UROC1: variants seen among roughly 807,000 people sequenced by gnomAD.
UROC1 encodes the protein urocanate hydratase 1.
In UROC1, 79 loss-of-function variants were observed where a neutral mutation model predicts 89.5. The observed-to-expected ratio is 0.88, with a 90% CI of 0.74 to 1.06. The LOEUF (loss-of-function observed/expected upper bound fraction) is 1.06, where lower values mean the gene tolerates loss of function less well. Among genes scored for constraint, UROC1 ranks in the 50% least tolerant of loss-of-function variants. UROC1 has a pLI of 0.00. For missense variants in UROC1, 885 were observed against 907.8 expected, an observed-to-expected ratio of 0.97 and a Z score of 0.32; for synonymous variants, 361 against 354.8, an observed-to-expected ratio of 1.02 and a Z score of -0.20.
chr3:126,501,103 T>C (rs1935909458), intron 10 of UROC1, 115 bp downstream of exon 10: 26 of 1,282,402 alleles, frequency 2.0e-5, no homozygotes, highest in Non-Finnish European at 2.8e-5. Flanking sequence ...AGGGTGGCGC[T>C]GAACTGGGGC....
intron 9 of UROC1, among the ~76,000 whole-genome samples, chr3:126,503,381 G>A (rs1398935033): frequency 6.6e-6 from 1 of 152,218 alleles, no homozygotes; most frequent in Non-Finnish European, 1.5e-5. Context: ...AATTAATTGA[G>A]AGGATGCTTC....
chr3:126,500,157 G>A lies in UROC1; in HGVS notation c.1146-3C>T. 1 of 1,613,324 alleles carries A rather than the reference G, an allele frequency of 6.2e-7. No homozygotes were observed. The highest frequency in any genetic ancestry group is 8.5e-7 in the Non-Finnish European group (1 of 1,179,938). On this transcript the variant is annotated splice_polypyrimidine_tract_variant and splice_region_variant and intron_variant, in intron 11 of 19. Coordinates refer to ENST00000290868, the MANE Select transcript of UROC1 (RefSeq NM_144639.3). ...TGGCTGAGACTTGCCTCCTCAGGCTGCAACAAGCCATGGGTCAGCACCACC... is the reference window on the plus strand; with the variant it reads ...TGGCTGAGACTTGCCTCCTCAGGCTACAACAAGCCATGGGTCAGCACCACC...
chr3:126,489,158 A>C, intron 17 of UROC1, 118 bp downstream of exon 17: 2 of 1,007,804 alleles, frequency 2.0e-6, no homozygotes, highest in South Asian at 2.6e-5. Flanking sequence ...TGGTCACTCT[A>C]TGCCGAGCCT....
chr3:126,482,312 G>A lies in UROC1; in HGVS notation c.*33C>T, dbSNP rs545376951. 2.5e-6 allele frequency: 4 copies of A among 1,609,350 alleles called. No homozygotes were observed. In the South Asian group the frequency reaches 3.3e-5, roughly 13 times the overall value. ...TGGGCAGGTGAGGATCGCCAGGGAG[G>A]AAGGGAGGCAGGGGCCGCGACTCCT... On this transcript the variant is annotated 3_prime_UTR_variant, in exon 20 of 20. Coordinates refer to ENST00000290868, the MANE Select transcript of UROC1 (RefSeq NM_144639.3).
chr3:126,498,200 G>C, intron 13 of UROC1, 28 bp from the exon 14 acceptor site: 1 of 1,613,868 alleles, frequency 6.2e-7, no homozygotes, highest in Non-Finnish European at 8.5e-7. Flanking sequence ...TCCTCACCCT[G>C]GGCCCGCTGG....
chr3:126,485,324 C>T (rs1415302306), intron 18 of UROC1, among the ~76,000 whole-genome samples: 2 of 152,130 alleles, frequency 1.3e-5, no homozygotes, highest in Non-Finnish European at 2.9e-5. Flanking sequence ...AACAAAGGCA[C>T]AGCAAGGCTA....
rs2107548022 is a variant in UROC1 at position 126,507,736 on chromosome 3, A to G, written c.602+6T>C. ...ACGGTGTAAACAGACTGAAATAGTG[A>G]CTTACATTGTAACCCCCAAGGCAAA... On this transcript the variant is annotated splice_donor_region_variant and intron_variant, in intron 6 of 19. Transcript: ENST00000290868. 1 of 1,614,010 alleles carries G rather than the reference A, an allele frequency of 6.2e-7. No homozygotes were observed. Among genetic ancestry groups the G allele is most frequent in the South Asian group, 1.1e-5 (1 of 91,088 alleles).
chr3:126,498,056 T>C lies in UROC1; in HGVS notation c.1433A>G (p.Asp478Gly). The C allele has an allele frequency of 1.9e-6, 3 of 1,614,078 alleles. No homozygotes were observed. The highest frequency in any genetic ancestry group is 2.5e-6 in the Non-Finnish European group (3 of 1,180,010). The change falls in exon 14 of 20, where the codon GAT becomes GGT. Residue 478 changes from aspartate to glycine, a missense_variant. Asp to Gly is a moderately conservative substitution (Grantham distance 94). Transcript: ENST00000290868. Reference sequence around the variant, plus strand: ...ATCCCCACCAATGGCGTCACCTCCATCAGCAATGGCTTCCTCCAGCACAGA... The same window carrying C: ...ATCCCCACCAATGGCGTCACCTCCACCAGCAATGGCTTCCTCCAGCACAGA... The part of the protein sequence containing the change: ...ATSVLEEAIA[D>G]GVKVSVKLQY...
At chr3:126,496,470 G>A (rs983340117) in intron 14 of UROC1, among the ~76,000 whole-genome samples, 8 of 152,180 alleles carry the variant, frequency 5.3e-5, no homozygotes, top group East Asian at 1.9e-4. Flanking sequence ...GGTGGATGCG[G>A]GGGCTTTCTG....
intron 9 of UROC1, among the ~76,000 whole-genome samples, chr3:126,502,778 T>C (rs953087606): frequency 6.6e-6 from 1 of 151,734 alleles, no homozygotes; most frequent in Non-Finnish European, 1.5e-5. Context: ...TGTGTGCAAG[T>C]ATGTGTGCAT....
At chr3:126,500,008 G>A in intron 12 of UROC1, 49 bp downstream of exon 12, 2 of 1,569,914 alleles carry the variant, frequency 1.3e-6, no homozygotes, top group Non-Finnish European at 1.7e-6. Flanking sequence ...TGAGAGGCTG[G>A]GCCCAGGGTG....
At position 126,495,488 on chromosome 3, in the gene UROC1, G is replaced by A. The variant is rs114222216; in HGVS notation, c.1509+550C>T. ...GTCACGTGTGTCAGCACTCCCTTCC[G>A]TTTGAGGCCGAGTCATATTCCATCT... On this transcript the variant is annotated intron_variant, in intron 15 of 19. Coordinates refer to ENST00000290868, the MANE Select transcript of UROC1 (RefSeq NM_144639.3). Among the ~76,000 whole-genome samples the A allele has an allele frequency of 6.4e-3, 977 of 152,214 alleles. 12 individuals are homozygous for A. Among genetic ancestry groups the A allele is most frequent in the African/African-American group, 0.023 (948 of 41,530 alleles).
At chr3:126,517,371 G>T (rs942313224) in intron 1 of UROC1, among the ~76,000 whole-genome samples, 2 of 152,172 alleles carry the variant, frequency 1.3e-5, no homozygotes, top group Non-Finnish European at 2.9e-5. Flanking sequence ...GAGCCTCAGG[G>T]TCCTCATCTG....
rs376630561 is a variant in UROC1 at position 126,513,986 on chromosome 3, C to A, written c.127-3192G>T. On this transcript the variant is annotated intron_variant, in intron 1 of 19. Transcript: ENST00000290868. ...CACCCTGACACACCTCAGACAGCTC[C>A]GTCTCCACATCTGTGCACACTGCCT... Among the ~76,000 whole-genome samples the A allele has an allele frequency of 6.6e-5, 10 of 152,298 alleles. No individual in the cohort carries two copies. The South Asian group carries it at 1.7e-3, about 25-fold the overall frequency.
At chr3:126,483,004 C>T (rs1935423440) in intron 19 of UROC1, among the ~76,000 whole-genome samples, 2 of 152,178 alleles carry the variant, frequency 1.3e-5, no homozygotes, top group South Asian at 4.1e-4. Context: ...GACCTCCATC[C>T]CCAGCTCCGC....
chr3:126,494,963 G>A (rs1044461838), intron 15 of UROC1, among the ~76,000 whole-genome samples: 12 of 152,032 alleles, frequency 7.9e-5, no homozygotes, highest in African/African-American at 1.4e-4. Context: ...TGCCACCACC[G>A]TCTCCGCTTT....
At chr3:126,502,089 T>A in intron 9 of UROC1, 1 of 812,268 alleles carries the variant, frequency 1.2e-6, no homozygotes, top group Non-Finnish European at 1.8e-6. Flanking sequence ...TGTTCATGTG[T>A]GGATGTGCAT....
intron 1 of UROC1, among the ~76,000 whole-genome samples, chr3:126,513,872 C>T (rs1197748325): frequency 6.6e-6 from 1 of 152,192 alleles, no homozygotes; most frequent in African/African-American, 2.4e-5. Flanking sequence ...TAAGGCCATG[C>T]TGTTCCTGGC....
Position 126,498,037 on chromosome 3 carries a change from A to T in UROC1, c.1438+14T>A, listed in dbSNP as rs1405274942. On this transcript the variant is annotated intron_variant, in intron 14 of 19. Coordinates refer to ENST00000290868, the MANE Select transcript of UROC1 (RefSeq NM_144639.3). ...GGGCCACCCACCCATGGGCATCCCCACCAATGGCGTCACCTCCATCAGCAA... is the reference window on the plus strand; with the variant it reads ...GGGCCACCCACCCATGGGCATCCCCTCCAATGGCGTCACCTCCATCAGCAA... 6.2e-7 allele frequency: 1 copy of T among 1,613,984 alleles called. No individual in the cohort carries two copies. Among genetic ancestry groups the T allele is most frequent in the Middle Eastern group, 1.7e-4 (1 of 6,058 alleles).
Sources: allele counts gnomAD v4.1 joint callset (sites outside exome capture counted in the v4.1 genomes callset), GRCh38; gene constraint gnomAD v4.1.1; transcripts MANE v1.5; gene names NCBI Gene and HGNC (gene_info 2026-07-23, HGNC 2026-07-21).